VRK2: variants seen among roughly 807,000 people sequenced by gnomAD.
The protein encoded by VRK2 is serine/threonine-protein kinase VRK2.
In VRK2, 60 loss-of-function variants were observed where a neutral mutation model predicts 57.6. The ratio of observed to expected loss-of-function variants is 1.04; its 90% confidence interval spans 0.85 to 1.29. The LOEUF (loss-of-function observed/expected upper bound fraction) is 1.29, where lower values mean the gene tolerates loss of function less well. VRK2 is among the 50% of genes most tolerant of loss of function. The pLI, the probability that VRK2 is intolerant of heterozygous loss-of-function variation, is 0.00. For synonymous variants in VRK2, 231 were observed against 199.2 expected, an observed-to-expected ratio of 1.16 and a Z score of -1.35; for missense variants, 705 against 588.1, an observed-to-expected ratio of 1.20 and a Z score of -2.06.
chr2:58,138,389 A>G (rs1356986296), intron 10 of VRK2, among the ~76,000 whole-genome samples: 1 of 152,298 alleles, frequency 6.6e-6, no homozygotes, highest in East Asian at 1.9e-4. Context: ...TGATAAAAAT[A>G]GATGAAAAAA....
intron 3 of VRK2, chr2:58,033,765 A>G (rs1674187635): frequency 6.6e-6 from 1 of 152,040 alleles, no homozygotes; most frequent in South Asian, 2.1e-4. Context: ...TTGATTCTTC[A>G]AAGAAGCTAT....
intron 1 of VRK2, among the ~76,000 whole-genome samples, chr2:57,932,753 T>C (rs1471767486): frequency 1.3e-5 from 2 of 152,152 alleles, no homozygotes; most frequent in East Asian, 3.8e-4. Context: ...TGTTCTTCTT[T>C]ATCTAGTTCC....
intron 7 of VRK2, among the ~76,000 whole-genome samples, chr2:58,107,199 G>T (rs1051198417): frequency 1.3e-5 from 2 of 152,118 alleles, no homozygotes; most frequent in Non-Finnish European, 2.9e-5. Flanking sequence ...ATTCAAATAA[G>T]ATAAATGATG....
chr2:58,010,170 T>C (rs918509295), intron 1 of VRK2, among the ~76,000 whole-genome samples: 2 of 152,178 alleles, frequency 1.3e-5, no homozygotes, highest in Non-Finnish European at 2.9e-5. Flanking sequence ...AATCAGACTG[T>C]CTGGGTTCAA....
At chr2:58,007,103 C>A (rs1180864686) in intron 1 of VRK2, among the ~76,000 whole-genome samples, 1 of 151,886 alleles carries the variant, frequency 6.6e-6, no homozygotes, top group Non-Finnish European at 1.5e-5. Context: ...TAGACTAAGA[C>A]TGAAACTATA....
At position 58,131,860 on chromosome 2, in the gene VRK2, G is replaced by T; in HGVS notation, c.729G>T (p.Trp243Cys). 1.2e-6 allele frequency: 2 copies of T among 1,614,114 alleles called. No homozygotes were observed. Among genetic ancestry groups the T allele is most frequent in the Non-Finnish European group, 1.7e-6 (2 of 1,179,994 alleles). The change falls in exon 9 of 13, where the codon TGG becomes TGT. Residue 243 changes from tryptophan (W) to cysteine (C), a missense_variant. By Grantham distance (215) the Trp-to-Cys change is radical. Transcript: ENST00000340157. ...VEILGYCMLR[W>C]LCGKLPWEQN... is the part of the protein sequence containing the mutation. ...TCCTCGGCTACTGCATGCTGCGGTG[G>T]TTGTGTGGGAAACTTCCCTGGGAAC...
chr2:58,027,419 CT>C (rs1339589740), intron 2 of VRK2, among the ~76,000 whole-genome samples: 1 of 152,062 alleles, frequency 6.6e-6, no homozygotes, highest in African/African-American at 2.4e-5. Flanking sequence ...ATAGTATAAC[CT>C]CTAAATTGAA....
At chr2:57,909,308 C>A (rs553233593) in intron 1 of VRK2, among the ~76,000 whole-genome samples, 2 of 152,280 alleles carry the variant, frequency 1.3e-5, no homozygotes, top group South Asian at 4.1e-4. Flanking sequence ...AAACCACCCA[C>A]CTATTATTAT....
intron 2 of VRK2, among the ~76,000 whole-genome samples, chr2:58,055,571 A>G (rs1385027968): frequency 6.6e-6 from 1 of 152,214 alleles, no homozygotes; most frequent in Non-Finnish European, 1.5e-5. Flanking sequence ...GCACTTAAGC[A>G]GCATGCATTC....
At chr2:58,106,042 TCAGA>T (rs1425269468) in intron 7 of VRK2, among the ~76,000 whole-genome samples, 1 of 151,942 alleles carries the variant, frequency 6.6e-6, no homozygotes, top group Non-Finnish European at 1.5e-5. Flanking sequence ...CAGATTTGAA[TCAGA>T]CAAAGAGGAA....
At chr2:58,068,920 C>T (rs1669004731) in intron 2 of VRK2, among the ~76,000 whole-genome samples, 1 of 151,170 alleles carries the variant, frequency 6.6e-6, no homozygotes, top group South Asian at 2.1e-4. Flanking sequence ...CTGTTTTTCC[C>T]TTTGTTTCAA....
At chr2:58,026,771 T>C (rs1673941552) in intron 2 of VRK2, 1 of 152,154 alleles carries the variant, frequency 6.6e-6, no homozygotes, top group Non-Finnish European at 1.5e-5. Context: ...CAAGCTGGAG[T>C]CCAGTGACAT....
chr2:57,999,880 T>G (rs1319499502), intron 1 of VRK2, among the ~76,000 whole-genome samples: 2 of 152,158 alleles, frequency 1.3e-5, no homozygotes, highest in Non-Finnish European at 2.9e-5. Flanking sequence ...TAGTGGCTCA[T>G]GCCTATAATC....
At chr2:58,123,866 A>C (rs1170240836) in intron 8 of VRK2, among the ~76,000 whole-genome samples, 1 of 152,096 alleles carries the variant, frequency 6.6e-6, no homozygotes, top group Non-Finnish European at 1.5e-5. Context: ...AAAAAAAAAA[A>C]AGTTGCACAT....
chr2:58,115,111 C>G (rs571056967), intron 7 of VRK2, among the ~76,000 whole-genome samples: 44 of 150,656 alleles, frequency 2.9e-4, no homozygotes, highest in South Asian at 2.1e-3. Context: ...GCTAGTGGCT[C>G]GTACTATAGC....
At chr2:57,910,372 T>C (rs1669949409) in intron 1 of VRK2, among the ~76,000 whole-genome samples, 1 of 152,150 alleles carries the variant, frequency 6.6e-6, no homozygotes, top group African/African-American at 2.4e-5. Context: ...AACACAACGC[T>C]CAGCTTTGAA....
intron 11 of VRK2, among the ~76,000 whole-genome samples, chr2:58,143,363 T>TA: frequency 6.6e-6 from 1 of 152,040 alleles, no homozygotes; most frequent in Admixed American, 6.6e-5. Context: ...ATGCCCAGGG[T>TA]GTTTTCTGTA....
intron 7 of VRK2, among the ~76,000 whole-genome samples, chr2:58,122,744 G>A (rs1221170401): frequency 6.6e-6 from 1 of 152,004 alleles, no homozygotes; most frequent in Non-Finnish European, 1.5e-5. Context: ...TTTCAGGGAG[G>A]GGTTACAGGA....
intron 12 of VRK2, among the ~76,000 whole-genome samples, chr2:58,150,400 T>A (rs981055692): frequency 2.0e-5 from 3 of 151,424 alleles, no homozygotes; most frequent in Non-Finnish European, 4.4e-5. Context: ...TAAGTTAGGA[T>A]ATTCTTTATT....
Sources: gnomAD v4.1 joint callset for allele counts (sites outside exome capture counted in the v4.1 genomes callset) on GRCh38, gnomAD v4.1.1 for gene constraint, MANE v1.5 for transcripts, NCBI Gene and HGNC (gene_info 2026-07-23, HGNC 2026-07-21) for gene names.